SWT1: variants seen among roughly 807,000 people sequenced by gnomAD.
The protein encoded by SWT1 is SWT1 RNA endoribonuclease homolog, also known as transcriptional protein SWT1.
Under a neutral mutation model 107.3 loss-of-function variants are expected in SWT1, and 33 were observed. That is an observed-to-expected ratio of 0.31 (90% confidence interval 0.23 to 0.41). SWT1 has a LOEUF of 0.41. SWT1 is among the 10% of genes least tolerant of loss of function. SWT1 has a pLI of 1.00. For missense variants in SWT1, 898 were observed against 1,028.9 expected, an observed-to-expected ratio of 0.87 and a Z score of 1.74; for synonymous variants, 345 against 348.3, an observed-to-expected ratio of 0.99 and a Z score of 0.11.
chr1:185,160,360 G>A (rs1232485629), intron 1 of SWT1, among the ~76,000 whole-genome samples: 1 of 152,060 alleles, frequency 6.6e-6, no homozygotes, highest in African/African-American at 2.4e-5. Flanking sequence ...GAGAATGAAA[G>A]TGAAGAAAAG....
Position 185,259,683 on chromosome 1 carries a change from C to T in SWT1, c.2442-11640C>T, listed in dbSNP as rs952877464. Among the ~76,000 whole-genome samples, 4 of 151,998 alleles carry T rather than the reference C, an allele frequency of 2.6e-5. 1 individual carries two copies. In the South Asian group the frequency reaches 8.3e-4, roughly 31 times the overall value. ...GGGACATTGACCTTAAGCTAAAGTACTCTCTTTTCTACTCTAAAGCTTTAT... is the reference window on the plus strand; with the variant it reads ...GGGACATTGACCTTAAGCTAAAGTATTCTCTTTTCTACTCTAAAGCTTTAT... On this transcript the variant is annotated intron_variant, in intron 16 of 18. Coordinates refer to ENST00000367500, the MANE Select transcript of SWT1 (RefSeq NM_017673.7).
chr1:185,251,966 C>G (rs1363351307), intron 16 of SWT1, among the ~76,000 whole-genome samples: 1 of 151,616 alleles, frequency 6.6e-6, no homozygotes, highest in Non-Finnish European at 1.5e-5. Context: ...CACAACAGTC[C>G]CCAGAGTGTG....
intron 16 of SWT1, among the ~76,000 whole-genome samples, chr1:185,253,276 G>T (rs1275744571): frequency 2.6e-4 from 39 of 150,030 alleles, no homozygotes; most frequent in South Asian, 1.5e-3. Flanking sequence ...GCTCTTTTTT[G>T]GTTCCATATG....
rs1274810831 is a variant in SWT1, at chr1:185,157,175, A to C, written c.-149A>C. The C allele has an allele frequency of 2.5e-5, 4 of 162,034 alleles. No individual in the cohort carries two copies. The highest frequency in any genetic ancestry group is 9.6e-5 in the African/African-American group (4 of 41,536). The allele number at this position is 162,034 out of a possible 1,614,324, so 10.0% of individuals were successfully genotyped here. ...GAGCGCTGTGGGGCGGTGAGTAGGT[A>C]GTGCGGATGCGGGCGCAGAACTACG... is the stretch of plus-strand genomic sequence containing the variant. On this transcript the variant is annotated 5_prime_UTR_variant, in exon 1 of 19. Coordinates refer to ENST00000367500, the MANE Select transcript of SWT1 (RefSeq NM_017673.7).
intron 16 of SWT1, among the ~76,000 whole-genome samples, chr1:185,233,218 T>G (rs1380851714): frequency 6.6e-6 from 1 of 152,112 alleles, no homozygotes; most frequent in Non-Finnish European, 1.5e-5. Context: ...CCTGGGAGTT[T>G]AAAAAAATAG....
intron 18 of SWT1, among the ~76,000 whole-genome samples, chr1:185,286,797 C>T (rs904405512): frequency 3.3e-5 from 5 of 151,832 alleles, no homozygotes; most frequent in African/African-American, 1.2e-4. Flanking sequence ...TTATTCATGC[C>T]TAATTGCTCT....
chr1:185,253,403 TC>T (rs1452032989), intron 16 of SWT1, among the ~76,000 whole-genome samples: 7 of 152,046 alleles, frequency 4.6e-5, no homozygotes, highest in Non-Finnish European at 8.8e-5. Flanking sequence ...TATTGATTCT[TC>T]CTATCCATGA....
At chr1:185,257,197 G>A (rs868216647) in intron 16 of SWT1, among the ~76,000 whole-genome samples, 175 of 152,194 alleles carry the variant, frequency 1.1e-3, no homozygotes, top group African/African-American at 3.9e-3. Context: ...TGTCAGACAG[G>A]GACATTTAAG....
At chr1:185,214,793 T>G (rs143968269) in intron 14 of SWT1, 138 bp downstream of exon 14, 1 of 665,456 alleles carries the variant, frequency 1.5e-6, no homozygotes, top group Admixed American at 3.6e-5. Flanking sequence ...AAATGTTAAG[T>G]GAATTGAATA....
intron 4 of SWT1, among the ~76,000 whole-genome samples, chr1:185,173,918 C>T (rs1300245844): frequency 6.6e-6 from 1 of 151,976 alleles, no homozygotes; most frequent in Non-Finnish European, 1.5e-5. Flanking sequence ...ACGTGGTAGT[C>T]TGGGAGGTAG....
At chr1:185,256,884 G>T (rs542599824) in intron 16 of SWT1, among the ~76,000 whole-genome samples, 1 of 152,124 alleles carries the variant, frequency 6.6e-6, no homozygotes, top group Non-Finnish European at 1.5e-5. Context: ...CAGTTTTTCT[G>T]TTCTGTTTTT....
chr1:185,252,078 A>C (rs1387990896), intron 16 of SWT1, among the ~76,000 whole-genome samples: 1 of 152,118 alleles, frequency 6.6e-6, no homozygotes, highest in African/African-American at 2.4e-5. Flanking sequence ...GTTTACTGAG[A>C]ATGATGATTT....
At chr1:185,248,737 G>T (rs1042163484) in intron 16 of SWT1, among the ~76,000 whole-genome samples, 1 of 132,158 alleles carries the variant, frequency 7.6e-6, no homozygotes, top group Non-Finnish European at 1.6e-5. Context: ...TCACTAAAAG[G>T]AACCTTCACT....
chr1:185,195,198 T>G (rs1010028911), intron 10 of SWT1, among the ~76,000 whole-genome samples: 2 of 152,150 alleles, frequency 1.3e-5, no homozygotes, highest in Admixed American at 6.6e-5. Context: ...CCTCCCTGTG[T>G]CCATGTGTTC....
intron 10 of SWT1, among the ~76,000 whole-genome samples, chr1:185,195,032 A>T (rs1657265913): frequency 6.6e-6 from 1 of 151,612 alleles, no homozygotes; most frequent in South Asian, 2.1e-4. Flanking sequence ...CAGTTCTGGG[A>T]TACATATGCA....
intron 15 of SWT1, among the ~76,000 whole-genome samples, chr1:185,229,503 A>G (rs1258065954): frequency 6.6e-6 from 1 of 151,858 alleles, no homozygotes; most frequent in Non-Finnish European, 1.5e-5. Flanking sequence ...ATCTATATAA[A>G]AATTATAATG....
chr1:185,172,076 ACT>A (rs1256487072), intron 4 of SWT1, among the ~76,000 whole-genome samples: 15 of 152,184 alleles, frequency 9.9e-5, no homozygotes, highest in African/African-American at 3.4e-4. Flanking sequence ...AAGGGTAAAG[ACT>A]CTATCTGCTG....
intron 13 of SWT1, among the ~76,000 whole-genome samples, chr1:185,209,118 G>A (rs1658564745): frequency 6.6e-6 from 1 of 152,100 alleles, no homozygotes; most frequent in Non-Finnish European, 1.5e-5. Flanking sequence ...GGACATGGAG[G>A]AATTTCTTGT....
chr1:185,241,029 G>A (rs530916680), intron 16 of SWT1, among the ~76,000 whole-genome samples: 8 of 152,058 alleles, frequency 5.3e-5, no homozygotes, highest in African/African-American at 1.9e-4. Context: ...TCGCCTCTTT[G>A]ACTTACTGTA....
Sources: allele counts gnomAD v4.1 joint callset (sites outside exome capture counted in the v4.1 genomes callset), GRCh38; gene constraint gnomAD v4.1.1; transcripts MANE v1.5; gene names NCBI Gene and HGNC (gene_info 2026-07-23, HGNC 2026-07-21).